NETO1: variants seen among roughly 807,000 people sequenced by gnomAD.
The protein encoded by NETO1 is neuropilin and tolloid-like protein 1.
In NETO1, 26 loss-of-function variants were observed where a neutral mutation model predicts 61.3. The observed-to-expected ratio is 0.42, with a 90% CI of 0.31 to 0.59. NETO1 has a LOEUF of 0.59. Ranked by LOEUF, NETO1 falls within the 20% of genes least tolerant of loss-of-function variation. The pLI is 0.12. For synonymous variants in NETO1, 225 were observed against 225.8 expected, an observed-to-expected ratio of 1.00 and a Z score of 0.03; for missense variants, 531 against 662.8, an observed-to-expected ratio of 0.80 and a Z score of 2.18.
rs1261788532 is a variant in NETO1, at chr18:72,771,534, T to C, written c.868+12144A>G. 2.0e-5 allele frequency among the ~76,000 whole-genome samples: 3 copies of C among 151,992 alleles called. No individual in the cohort carries two copies. In the South Asian group the frequency reaches 6.2e-4, roughly 32 times the overall value. On this transcript the variant is annotated intron_variant, in intron 7 of 10. Coordinates refer to ENST00000327305, the MANE Select transcript of NETO1 (RefSeq NM_138966.5). Reference sequence around the variant, plus strand: ...CTTCGAGCCATCCATGCCTGGAAAGTTTAATGAAGGAATAAAAGAATGAAA... The same window carrying C: ...CTTCGAGCCATCCATGCCTGGAAAGCTTAATGAAGGAATAAAAGAATGAAA...
intron 4 of NETO1, among the ~76,000 whole-genome samples, chr18:72,822,781 G>C (rs12165071): frequency 0.043 from 6,552 of 152,174 alleles, 506 homozygotes; most frequent in East Asian, 0.36. Flanking sequence ...TGTTAAGTTT[G>C]TACATATAAT....
chr18:72,796,454 C>T (rs1380163364), intron 4 of NETO1, among the ~76,000 whole-genome samples: 1 of 152,158 alleles, frequency 6.6e-6, no homozygotes, highest in Non-Finnish European at 1.5e-5. Context: ...TTACAGATGC[C>T]TTTGCAAAGC....
At chr18:72,812,507 A>G (rs2072901278) in intron 4 of NETO1, among the ~76,000 whole-genome samples, 1 of 152,002 alleles carries the variant, frequency 6.6e-6, no homozygotes, top group African/African-American at 2.4e-5. Flanking sequence ...TTTCTTCCTC[A>G]CTCTTAACAG....
Position 72,867,762 on chromosome 18 carries a change from G to C in NETO1, c.-471C>G, listed in dbSNP as rs36026929. On this transcript the variant is annotated 5_prime_UTR_variant, in exon 1 of 11. Coordinates refer to ENST00000327305, the MANE Select transcript of NETO1 (RefSeq NM_138966.5). ...GAGGTGGGGGCCAGTCCAGACCGAC[G>C]GCAGCGACGGAGCGGGCGGCGGCGG... 0.12 allele frequency: 19,363 copies of C among 156,494 alleles called. 1,653 individuals are homozygous for C. Among genetic ancestry groups the C allele is most frequent in the Admixed American group, 0.21 (3,130 of 15,000 alleles). The allele number at this position is 156,494 out of a possible 1,614,324, so 9.7% of individuals were successfully genotyped here. A position where few individuals can be genotyped will look rare whatever the true frequency, so the allele number is the denominator to read the frequency against.
At chr18:72,798,881 ACAATGTGTGGTGACCAGTTATC>A (rs547392325) in intron 4 of NETO1, among the ~76,000 whole-genome samples, 1 of 152,340 alleles carries the variant, frequency 6.6e-6, no homozygotes, top group African/African-American at 2.4e-5. Flanking sequence ...ACCACTCTGT[ACAATGTGTGGTGACCAGTTATC>A]CAAGGAAGTC....
chr18:72,813,848 A>T (rs1326696974), intron 4 of NETO1, among the ~76,000 whole-genome samples: 1 of 152,106 alleles, frequency 6.6e-6, no homozygotes, highest in African/African-American at 2.4e-5. Flanking sequence ...GAAGGGCATG[A>T]AATATTTAAA....
chr18:72,826,565 T>C (rs1485243476), intron 4 of NETO1, among the ~76,000 whole-genome samples: 1 of 152,200 alleles, frequency 6.6e-6, no homozygotes, highest in Middle Eastern at 3.2e-3. Context: ...TTTCTTGCTT[T>C]CTATTTGATT....
At chr18:72,865,896 A>T (rs1172767092) in intron 1 of NETO1, among the ~76,000 whole-genome samples, 1 of 152,204 alleles carries the variant, frequency 6.6e-6, no homozygotes, top group Non-Finnish European at 1.5e-5. Flanking sequence ...CCTTAACTTG[A>T]TTTAATACCA....
intron 4 of NETO1, among the ~76,000 whole-genome samples, chr18:72,848,313 C>T (rs1568257889): frequency 6.6e-6 from 1 of 152,054 alleles, no homozygotes; most frequent in Admixed American, 6.6e-5. Context: ...TCACCCATCC[C>T]ATGTTGCCCA....
rs143129777 is a variant in NETO1 at position 72,794,403 on chromosome 18, A to G, written c.471T>C (p.Asp157=). 3 of 1,609,124 alleles carry G rather than the reference A, an allele frequency of 1.9e-6. No individual in the cohort carries two copies. The highest frequency in any genetic ancestry group is 2.5e-6 in the Non-Finnish European group (3 of 1,178,994). The change falls in exon 5 of 11, where the codon GAT becomes GAC. Residue 157 remains aspartate, a splice_region_variant and synonymous_variant. Coordinates refer to ENST00000327305, the MANE Select transcript of NETO1 (RefSeq NM_138966.5). Reference sequence around the variant, plus strand: ...AAGCTCCAAGGTCCTTAAAGTCAGGATCTTAAAAATTGAGAAAAAGACAAT... The same window carrying G: ...AAGCTCCAAGGTCCTTAAAGTCAGGGTCTTAAAAATTGAGAAAAAGACAAT... ...GFSARYNFTP[D]PDFKDLGALK... is the part of the protein sequence containing the mutation.
At chr18:72,865,390 C>A in intron 1 of NETO1, 149 bp from the exon 2 acceptor site, 1 of 1,143,736 alleles carries the variant, frequency 8.7e-7, no homozygotes, top group South Asian at 1.5e-5. Context: ...CTTGCAAAAA[C>A]CAATTTGAAA....
chr18:72,836,119 G>C (rs537586296), intron 4 of NETO1, among the ~76,000 whole-genome samples: 26 of 152,274 alleles, frequency 1.7e-4, no homozygotes, highest in African/African-American at 5.5e-4. Context: ...TTTGAGCACA[G>C]CCCATGCTGT....
Position 72,750,639 on chromosome 18 carries a change from G to A in NETO1, c.983-19C>T. 1 of 1,552,562 alleles carries A rather than the reference G, an allele frequency of 6.4e-7. No individual in the cohort carries two copies. The highest frequency in any genetic ancestry group is 8.7e-7 in the Non-Finnish European group (1 of 1,145,516). On this transcript the variant is annotated intron_variant, in intron 8 of 10. Coordinates refer to ENST00000327305, the MANE Select transcript of NETO1 (RefSeq NM_138966.5). The stretch of plus-strand genomic sequence containing the variant: ...CTCTTCTCTATAGGTTGGAGAGAGT[G>A]AAAACAACAAACGGACAAAAGAAGA...
chr18:72,742,388 G>A (rs1311348982), downstream of NETO1: 2 of 152,156 alleles, frequency 1.3e-5, no homozygotes, highest in African/African-American at 2.4e-5. Context: ...ACTCTTTATA[G>A]ATGATACTTT....
At chr18:72,840,703 A>T (rs1219345424) in intron 4 of NETO1, among the ~76,000 whole-genome samples, 2 of 152,194 alleles carry the variant, frequency 1.3e-5, no homozygotes, top group African/African-American at 2.4e-5. Context: ...CCAACCATTC[A>T]GATAAAAGAT....
chr18:72,768,557 G>A (rs1397053427), intron 7 of NETO1, among the ~76,000 whole-genome samples: 2 of 152,146 alleles, frequency 1.3e-5, no homozygotes, highest in Admixed American at 6.5e-5. Flanking sequence ...TATGGAAAAA[G>A]GGATTTCGCA....
At position 72,756,481 on chromosome 18, in the gene NETO1, T is replaced by C. The variant is rs116470719; in HGVS notation, c.869-334A>G. ...TACCATGGGCATAAATTATACTTTA[T>C]ACAGAAAGAATGTATAAATTTAGTT... On this transcript the variant is annotated intron_variant, in intron 7 of 10. Coordinates refer to ENST00000327305, the MANE Select transcript of NETO1 (RefSeq NM_138966.5). Among the ~76,000 whole-genome samples, 237 of 152,276 alleles carry C rather than the reference T, an allele frequency of 1.6e-3. 1 individual carries two copies. Among genetic ancestry groups the C allele is most frequent in the African/African-American group, 5.4e-3 (223 of 41,550 alleles).
intron 4 of NETO1, among the ~76,000 whole-genome samples, chr18:72,836,546 T>A (rs1418213529): frequency 6.6e-6 from 1 of 152,222 alleles, no homozygotes; most frequent in Non-Finnish European, 1.5e-5. Context: ...AAGTACATAA[T>A]ATTTATCTGA....
At chr18:72,777,662 G>A (rs192047605) in intron 7 of NETO1, among the ~76,000 whole-genome samples, 334 of 151,816 alleles carry the variant, frequency 2.2e-3, no homozygotes, top group Non-Finnish European at 4.0e-3. Context: ...AGAATGGCGT[G>A]AACCCGGGAG....
Sources: gnomAD v4.1 joint callset for allele counts (sites outside exome capture counted in the v4.1 genomes callset) on GRCh38, gnomAD v4.1.1 for gene constraint, MANE v1.5 for transcripts, NCBI Gene and HGNC (gene_info 2026-07-23, HGNC 2026-07-21) for gene names.